The following FARS2 variants were observed in gnomAD, a reference collection of about 807,000 sequenced individuals.
FARS2 encodes the protein phenylalanyl-tRNA synthetase 2, mitochondrial.
Under a neutral mutation model 46.4 loss-of-function variants are expected in FARS2, and 40 were observed. That is an observed-to-expected ratio of 0.86 (90% CI 0.67 to 1.12). The LOEUF (loss-of-function observed/expected upper bound fraction) is 1.12, where lower values mean the gene tolerates loss of function less well. FARS2 is among the 50% of genes most tolerant of loss of function. FARS2 has a pLI of 0.00. For synonymous variants in FARS2, 234 were observed against 214.9 expected, an observed-to-expected ratio of 1.09 and a Z score of -0.78; for missense variants, 513 against 567.9, an observed-to-expected ratio of 0.90 and a Z score of 0.98.
chr6:5,579,707 T>C (rs1337151122), intron 5 of FARS2, among the ~76,000 whole-genome samples: 1 of 152,208 alleles, frequency 6.6e-6, no homozygotes, highest in Non-Finnish European at 1.5e-5. Context: ...TGCCTCACAG[T>C]CCCTGACCAG....
chr6:5,296,815 A>G (rs1290332056), intron 1 of FARS2, among the ~76,000 whole-genome samples: 2 of 152,196 alleles, frequency 1.3e-5, no homozygotes, highest in Admixed American at 6.5e-5. Context: ...GTGTTTCTCC[A>G]TTCATTCATC....
intron 1 of FARS2, among the ~76,000 whole-genome samples, chr6:5,366,792 G>A (rs1210456385): frequency 3.3e-5 from 5 of 152,184 alleles, no homozygotes; most frequent in African/African-American, 1.2e-4. Context: ...GAGGAAGAAA[G>A]CTTTTCTTGT....
chr6:5,575,408 C>G (rs4960103), intron 5 of FARS2, among the ~76,000 whole-genome samples: 85,160 of 152,014 alleles, frequency 0.56, 23,967 homozygotes, highest in South Asian at 0.61. Flanking sequence ...ATGAGGATCA[C>G]CTGTGTATCT....
At chr6:5,562,877 C>G (rs1449912179) in intron 5 of FARS2, among the ~76,000 whole-genome samples, 1 of 150,896 alleles carries the variant, frequency 6.6e-6, no homozygotes, top group Admixed American at 6.6e-5. Flanking sequence ...GATCTAGGCT[C>G]AGTGCAACCT....
intron 6 of FARS2, among the ~76,000 whole-genome samples, chr6:5,718,015 A>G (rs1319756057): frequency 6.6e-6 from 1 of 151,314 alleles, no homozygotes; most frequent in Non-Finnish European, 1.5e-5. Flanking sequence ...CCCAGGTTCA[A>G]GTGATTCTCA....
chr6:5,670,096 A>T (rs1257678259), intron 6 of FARS2, among the ~76,000 whole-genome samples: 1 of 152,246 alleles, frequency 6.6e-6, no homozygotes, highest in African/African-American at 2.4e-5. Context: ...ATGAGGCAAG[A>T]TATAAACACT....
chr6:5,574,048 G>A lies in FARS2; in HGVS notation c.1065+28708G>A, dbSNP rs191359596. Among the ~76,000 whole-genome samples, 5 of 152,280 alleles carry A rather than the reference G, an allele frequency of 3.3e-5. No individual in the cohort carries two copies. The East Asian group carries it at 5.8e-4, about 18-fold the overall frequency. The stretch of plus-strand genomic sequence containing the variant: ...AACTTTTTCCAAGGAACACTTCAAC[G>A]GCAGCATTTGTATTTAAGTAGTGAA... On this transcript the variant is annotated intron_variant, in intron 5 of 6. Coordinates refer to ENST00000274680, the MANE Select transcript of FARS2 (RefSeq NM_006567.5).
At position 5,764,530 on chromosome 6, in the gene FARS2, C is replaced by T. The variant is rs1273314943; in HGVS notation, c.1218-6761C>T. 1.3e-5 allele frequency among the ~76,000 whole-genome samples: 2 copies of T among 152,160 alleles called. No homozygotes were observed. Among genetic ancestry groups the T allele is most frequent in the African/African-American group, 4.8e-5 (2 of 41,420 alleles). On this transcript the variant is annotated intron_variant, in intron 6 of 6. Coordinates refer to ENST00000274680, the MANE Select transcript of FARS2 (RefSeq NM_006567.5). The surrounding 1 kb of genome is among the most constrained non-coding windows in gnomAD (Gnocchi z 4.1). ...AGATGAGGAGTGAGCCGGGGAAACC[C>T]AGTGTTTGTTACTCTGAAAATGGAA...
chr6:5,609,563 A>G, intron 5 of FARS2: 1 of 1,286,830 alleles, frequency 7.8e-7, no homozygotes, highest in Non-Finnish European at 1.1e-6. Flanking sequence ...TCCCACTGAA[A>G]CCACCTCCAC....
intron 4 of FARS2, chr6:5,466,899 TG>T (rs1272537037): frequency 1.0e-6 from 1 of 985,298 alleles, no homozygotes; most frequent in Non-Finnish European, 1.2e-6. Context: ...CATGAGCACA[TG>T]GGCACCTCGG....
intron 1 of FARS2, among the ~76,000 whole-genome samples, chr6:5,341,188 GATAT>G (rs869067569): frequency 3.7e-3 from 126 of 34,118 alleles, no homozygotes; most frequent in East Asian, 8.0e-3. Context: ...GCCATGGGGA[GATAT>G]ATATATATAT....
At chr6:5,445,136 T>C (rs1159237268) in intron 4 of FARS2, among the ~76,000 whole-genome samples, 1 of 152,082 alleles carries the variant, frequency 6.6e-6, no homozygotes, top group Non-Finnish European at 1.5e-5. Context: ...CTTGGGTGTA[T>C]ATGGTTGGTT....
chr6:5,541,357 C>A (rs1770621899), intron 4 of FARS2, among the ~76,000 whole-genome samples: 1 of 152,134 alleles, frequency 6.6e-6, no homozygotes, highest in Non-Finnish European at 1.5e-5. Flanking sequence ...CAACAGAATT[C>A]ATACTTTTAA....
At chr6:5,257,377 T>C (rs2753244), upstream of FARS2, among the ~76,000 whole-genome samples, 42,853 of 152,080 alleles carry the variant, frequency 0.28, 7,493 homozygotes, top group African/African-American at 0.5. Context: ...ATTCCACACC[T>C]TGTACATCCT....
chr6:5,670,656 T>C (rs1778407228), intron 6 of FARS2, among the ~76,000 whole-genome samples: 1 of 152,232 alleles, frequency 6.6e-6, no homozygotes, highest in Non-Finnish European at 1.5e-5. Flanking sequence ...AACCAAATGC[T>C]TCTGAGTAGG....
At position 5,608,499 on chromosome 6, in the gene FARS2, C is replaced by G. The variant is rs3763178; in HGVS notation, c.1066-4670C>G. Reference sequence around the variant, plus strand: ...TATTCACCTATGACTTCTAAAGTCTCTACTGTATCTGTAGTTTTTTTTGAG... The same window carrying G: ...TATTCACCTATGACTTCTAAAGTCTGTACTGTATCTGTAGTTTTTTTTGAG... On this transcript the variant is annotated intron_variant, in intron 5 of 6. Transcript: ENST00000274680. Among the ~76,000 whole-genome samples the G allele has an allele frequency of 1.9e-4, 29 of 152,214 alleles. No individual in the cohort carries two copies. In the East Asian group the frequency reaches 5.2e-3, roughly 27 times the overall value.
chr6:5,759,162 A>T (rs1227889210), intron 6 of FARS2, among the ~76,000 whole-genome samples: 1 of 152,156 alleles, frequency 6.6e-6, no homozygotes, highest in Non-Finnish European at 1.5e-5. Flanking sequence ...CTCAGATCAC[A>T]GGGCCTTGAT....
chr6:5,651,225 G>A (rs1402822145), intron 6 of FARS2, among the ~76,000 whole-genome samples: 1 of 152,104 alleles, frequency 6.6e-6, no homozygotes, highest in Non-Finnish European at 1.5e-5. Flanking sequence ...GTTGGCAGGG[G>A]AACAATCAAG....
At chr6:5,454,133 T>G (rs1193997000) in intron 4 of FARS2, among the ~76,000 whole-genome samples, 2 of 152,140 alleles carry the variant, frequency 1.3e-5, no homozygotes, top group African/African-American at 4.8e-5. Context: ...TTTGTTTGTT[T>G]TTTTCAAAGC....
Sources: allele counts gnomAD v4.1 joint callset (sites outside exome capture counted in the v4.1 genomes callset), GRCh38; gene constraint gnomAD v4.1.1; non-coding constraint Gnocchi (gnomAD v3.1); transcripts MANE v1.5; gene names NCBI Gene and HGNC (gene_info 2026-07-23, HGNC 2026-07-21).